SNAP91: variants seen among roughly 807,000 people sequenced by gnomAD.
The protein encoded by SNAP91 is synaptosome associated protein 91, also known as clathrin coat assembly protein AP180.
Under a neutral mutation model 100.3 loss-of-function variants are expected in SNAP91, and 27 were observed. That is an observed-to-expected ratio of 0.27 (90% CI 0.20 to 0.37). The LOEUF is 0.37. Ranked by LOEUF, SNAP91 falls within the 10% of genes least tolerant of loss-of-function variation. SNAP91 has a pLI of 1.00. For missense variants in SNAP91, 986 were observed against 1,123.7 expected (o/e 0.88, Z 1.75); for synonymous variants, 404 against 398.6 (o/e 1.01, Z -0.16).
At chr6:83,568,993 GA>G (rs1351362970) in intron 26 of SNAP91, among the ~76,000 whole-genome samples, 1 of 152,150 alleles carries the variant, frequency 6.6e-6, no homozygotes, top group Admixed American at 6.5e-5. Flanking sequence ...GTATGTTGGA[GA>G]AAGCTGAAAT....
intron 7 of SNAP91, among the ~76,000 whole-genome samples, chr6:83,647,309 T>G (rs2097971005): frequency 6.6e-6 from 1 of 152,208 alleles, no homozygotes; most frequent in South Asian, 2.1e-4. Flanking sequence ...CACCATTAAA[T>G]ATGATGTTAG....
intron 2 of SNAP91, among the ~76,000 whole-genome samples, chr6:83,668,978 A>G (rs1248659706): frequency 6.6e-6 from 1 of 152,020 alleles, no homozygotes; most frequent in Non-Finnish European, 1.5e-5. Flanking sequence ...AGCCTACCTT[A>G]AATGTGCTGA....
intron 26 of SNAP91, among the ~76,000 whole-genome samples, chr6:83,563,895 T>G (rs887999204): frequency 2.6e-5 from 4 of 152,226 alleles, no homozygotes; most frequent in Non-Finnish European, 5.9e-5. Flanking sequence ...GTTCATGGGT[T>G]GGAAGACTTA....
intron 8 of SNAP91, among the ~76,000 whole-genome samples, chr6:83,637,358 G>A (rs930010780): frequency 6.6e-6 from 1 of 152,228 alleles, no homozygotes; most frequent in Non-Finnish European, 1.5e-5. Flanking sequence ...GCTTGTGAGA[G>A]TCAGAGCAGG....
chr6:83,571,108 CTCT>C (rs1806750306), intron 26 of SNAP91, among the ~76,000 whole-genome samples: 1 of 151,708 alleles, frequency 6.6e-6, no homozygotes, highest in Non-Finnish European at 1.5e-5. Flanking sequence ...GGGCGCCCAC[CTCT>C]TTTTTTTTTT....
At chr6:83,650,390 A>G (rs540760242) in intron 7 of SNAP91, among the ~76,000 whole-genome samples, 8 of 152,326 alleles carry the variant, frequency 5.3e-5, no homozygotes, top group African/African-American at 1.9e-4. Context: ...AATATTAGCT[A>G]TTTAATAGCC....
chr6:83,571,472 G>A (rs9449663), intron 26 of SNAP91, among the ~76,000 whole-genome samples: 3,116 of 152,256 alleles, frequency 0.02, 103 homozygotes, highest in African/African-American at 0.072. Flanking sequence ...TCATTTTGGA[G>A]CTTTAAAATT....
At chr6:83,652,191 G>T (rs1267854388) in intron 7 of SNAP91, among the ~76,000 whole-genome samples, 1 of 151,998 alleles carries the variant, frequency 6.6e-6, no homozygotes, top group Non-Finnish European at 1.5e-5. Flanking sequence ...AGACCATTGA[G>T]GTTAAAGTGA....
intron 26 of SNAP91, among the ~76,000 whole-genome samples, chr6:83,564,454 C>T (rs758589885): frequency 2.0e-4 from 31 of 151,716 alleles, no homozygotes; most frequent in Non-Finnish European, 4.1e-4. Context: ...TCTCTACTTC[C>T]CTGGATCAAG....
chr6:83,634,729 T>C (rs1324882243), intron 8 of SNAP91, among the ~76,000 whole-genome samples: 1 of 152,232 alleles, frequency 6.6e-6, no homozygotes, highest in Non-Finnish European at 1.5e-5. Context: ...TTATGTGTGA[T>C]GTTAGGTTAT....
chr6:83,645,225 G>A (rs144216819), intron 7 of SNAP91, among the ~76,000 whole-genome samples: 1,713 of 152,100 alleles, frequency 0.011, 97 homozygotes, highest in Admixed American at 0.096. Context: ...ACTATGCACA[G>A]GGTAAAGGGA....
chr6:83,592,990 G>A lies in SNAP91; in HGVS notation c.1802C>T (p.Ala601Val). The change falls in exon 20 of 30, where the codon GCC becomes GTC. Residue 601 changes from alanine (A) to valine (V), a missense_variant. Around this residue, in one of 4 missense-constraint regions of SNAP91, gnomAD observed 575 missense variants for 579.9 expected, o/e 0.99. Transcript: ENST00000369694. ...TDAFSSPPQGASPVPESSLTA... is the reference protein window; with the variant it reads ...TDAFSSPPQGVSPVPESSLTA... The stretch of plus-strand genomic sequence containing the variant: ...GAGAGAACTCTCAGGCACAGGAGAG[G>A]CCCCTTGTGGTGGAGAGGAGAAAGC... 1 of 1,585,400 alleles carries A rather than the reference G, an allele frequency of 6.3e-7. No homozygotes were observed. Among genetic ancestry groups the A allele is most frequent in the South Asian group, 1.2e-5 (1 of 86,288 alleles).
intron 8 of SNAP91, among the ~76,000 whole-genome samples, chr6:83,638,602 G>A (rs1275121475): frequency 6.6e-6 from 1 of 152,034 alleles, no homozygotes; most frequent in East Asian, 1.9e-4. Context: ...GTGATAAGAA[G>A]GCACTGAAAG....
At chr6:83,575,836 G>T (rs1486110302) in intron 25 of SNAP91, among the ~76,000 whole-genome samples, 187 bp downstream of exon 25, 1 of 152,086 alleles carries the variant, frequency 6.6e-6, no homozygotes, top group African/African-American at 2.4e-5. Context: ...TCATTGCAAA[G>T]CAACAGTTTG....
chr6:83,582,080 A>C lies in SNAP91; in HGVS notation c.2149+142T>G, dbSNP rs1829295061. On this transcript the variant is annotated intron_variant, in intron 23 of 29. Transcript: ENST00000369694. ...AAATTTTAATTTAAGTTACTAAATG[A>C]GAGATTTATTAACGTTTTATAAACC... 4.9e-6 allele frequency: 4 copies of C among 817,822 alleles called. No homozygotes were observed. In the Admixed American group the frequency reaches 1.1e-4, roughly 22 times the overall value. The allele number at this position is 817,822 out of a possible 1,614,324, so 50.7% of individuals were successfully genotyped here. A position where few individuals can be genotyped will look rare whatever the true frequency, so the allele number is the denominator to read the frequency against.
Position 83,656,859 on chromosome 6 carries a change from G to T in SNAP91, c.553C>A (p.Pro185Thr). Reference protein sequence around the residue: ...IDALLEFDVHPNELTNGVINA... With the variant: ...IDALLEFDVHTNELTNGVINA... ...ATGACACCATTTGTTAGTTCATTTGGATGCACCTAGAAAAACAGAAAAATT... is the reference window on the plus strand; with the variant it reads ...ATGACACCATTTGTTAGTTCATTTGTATGCACCTAGAAAAACAGAAAAATT... The change falls in exon 7 of 30, where the codon CCA (proline) becomes ACA (threonine). Residue 185 changes from proline to threonine, a missense_variant. Coordinates refer to ENST00000369694, the MANE Select transcript of SNAP91 (RefSeq NM_001242792.2). 1.9e-6 allele frequency: 3 copies of T among 1,550,000 alleles called. No homozygotes were observed. Among genetic ancestry groups the T allele is most frequent in the Non-Finnish European group, 2.6e-6 (3 of 1,137,198 alleles).
At chr6:83,662,068 T>A (rs1444153826) in intron 4 of SNAP91, among the ~76,000 whole-genome samples, 1 of 152,078 alleles carries the variant, frequency 6.6e-6, no homozygotes, top group Non-Finnish European at 1.5e-5. Flanking sequence ...CATCTTTTAT[T>A]TCATTGTCTC....
At chr6:83,656,919 TC>T in intron 6 of SNAP91, 54 bp from the exon 7 acceptor site, 1 of 762,508 alleles carries the variant, frequency 1.3e-6, no homozygotes, top group Admixed American at 3.1e-5. Context: ...TCTTAATTTT[TC>T]TTGAATCACA....
intron 22 of SNAP91, among the ~76,000 whole-genome samples, chr6:83,583,800 A>T (rs2128138189): frequency 6.6e-6 from 1 of 152,320 alleles, no homozygotes; most frequent in Non-Finnish European, 1.5e-5. Context: ...TTCCACTAAA[A>T]TTATCTACTA....
Sources: allele counts gnomAD v4.1 joint callset (sites outside exome capture counted in the v4.1 genomes callset), GRCh38; gene constraint gnomAD v4.1.1; regional missense constraint gnomAD v4.1.1; transcripts MANE v1.5; gene names NCBI Gene and HGNC (gene_info 2026-07-23, HGNC 2026-07-21).